The following UBE2K variants were observed in gnomAD, a reference collection of about 807,000 sequenced individuals.
The protein encoded by UBE2K is ubiquitin-conjugating enzyme E2 K.
A neutral mutation model predicts 30.0 loss-of-function variants in UBE2K; 6 were observed. The ratio of observed to expected loss-of-function variants is 0.20; its 90% CI spans 0.11 to 0.39. UBE2K has a LOEUF of 0.39. Ranked by LOEUF, UBE2K falls within the 10% of genes least tolerant of loss-of-function variation. UBE2K has a pLI of 1.00. For missense variants in UBE2K, 61 were observed against 241.6 expected (o/e 0.25, Z 4.96); for synonymous variants, 86 against 83.7 (o/e 1.03, Z -0.15).
chr4:39,778,066 C>T (rs371668374), intron 6 of UBE2K, among the ~76,000 whole-genome samples: 1 of 131,032 alleles, frequency 7.6e-6, no homozygotes, highest in Non-Finnish European at 1.5e-5. Context: ...CCACTGCACT[C>T]CAGCCTTGGT....
At chr4:39,768,447 CAAAAAAA>C (rs35005914) in intron 4 of UBE2K, among the ~76,000 whole-genome samples, 22 of 88,120 alleles carry the variant, frequency 2.5e-4, no homozygotes, top group African/African-American at 7.4e-4. Flanking sequence ...ACTTCGTTTC[CAAAAAAA>C]AAAAAAAAAA....
chr4:39,775,221 T>C (rs1347846788), intron 5 of UBE2K, among the ~76,000 whole-genome samples: 1 of 152,192 alleles, frequency 6.6e-6, no homozygotes, highest in East Asian at 1.9e-4. Context: ...GATTCTATGA[T>C]TAATGCTCGT....
At chr4:39,722,246 T>C (rs1292058905) in intron 1 of UBE2K, among the ~76,000 whole-genome samples, 2 of 152,228 alleles carry the variant, frequency 1.3e-5, no homozygotes, top group African/African-American at 4.8e-5. Flanking sequence ...ATCTCATTAA[T>C]ACTGAAAATC....
chr4:39,712,193 AC>A (rs1259531872), intron 1 of UBE2K, among the ~76,000 whole-genome samples: 27 of 126,514 alleles, frequency 2.1e-4, no homozygotes, highest in Middle Eastern at 4.4e-3. Flanking sequence ...AGCACCGACA[AC>A]CTTTTTTTTT....
chr4:39,757,011 G>GTTTGTTTTTT (rs1721558962), intron 4 of UBE2K, among the ~76,000 whole-genome samples: 1 of 76,824 alleles, frequency 1.3e-5, no homozygotes, highest in Non-Finnish European at 2.5e-5. Flanking sequence ...TTTTTTTTTT[G>GTTTGTTTTTT]TTTTTTGTTT....
At chr4:39,745,674 T>C in intron 2 of UBE2K, 78 bp from the exon 3 acceptor site, 1 of 958,318 alleles carries the variant, frequency 1.0e-6, no homozygotes, top group East Asian at 2.5e-5. Context: ...ATAGCTGCTC[T>C]GAAAAGCTCA....
chr4:39,714,331 G>T, intron 1 of UBE2K: 2 of 192,858 alleles, frequency 1.0e-5, no homozygotes, highest in East Asian at 1.2e-4. Flanking sequence ...AATTTCACTT[G>T]GGAAGACCAA....
At chr4:39,774,019 C>T (rs1713117527) in intron 4 of UBE2K, among the ~76,000 whole-genome samples, 3 of 152,002 alleles carry the variant, frequency 2.0e-5, no homozygotes, top group Non-Finnish European at 4.4e-5. Context: ...AAAAGCTGGC[C>T]GAGTGTAGTA....
At chr4:39,760,501 A>G (rs1175464596) in intron 4 of UBE2K, among the ~76,000 whole-genome samples, 4 of 152,204 alleles carry the variant, frequency 2.6e-5, no homozygotes, top group Non-Finnish European at 5.9e-5. Flanking sequence ...AACAACATGG[A>G]TGAGACTCAG....
At chr4:39,702,106 C>G (rs539715016) in intron 1 of UBE2K, among the ~76,000 whole-genome samples, 1 of 151,942 alleles carries the variant, frequency 6.6e-6, no homozygotes, top group Non-Finnish European at 1.5e-5. Flanking sequence ...AAATTTGAAA[C>G]TTAATGAAAT....
At chr4:39,775,041 G>C (rs1272385064) in intron 5 of UBE2K, 108 bp downstream of exon 5, 1 of 551,362 alleles carries the variant, frequency 1.8e-6, no homozygotes, top group African/African-American at 1.9e-5. Flanking sequence ...ACTAAATTTT[G>C]AAATGGTTTT....
intron 1 of UBE2K, among the ~76,000 whole-genome samples, chr4:39,705,568 A>G (rs1718305166): frequency 6.6e-6 from 1 of 152,066 alleles, no homozygotes; most frequent in African/African-American, 2.4e-5. Flanking sequence ...TATAGCCCCA[A>G]AAGGCTTAAC....
chr4:39,737,541 T>C, intron 2 of UBE2K, 28 bp downstream of exon 2: 1 of 1,378,488 alleles, frequency 7.3e-7, no homozygotes, highest in East Asian at 2.4e-5. Flanking sequence ...TATCAAAATA[T>C]TGTGCGTATT....
intron 1 of UBE2K, among the ~76,000 whole-genome samples, chr4:39,699,974 T>A (rs1356148667): frequency 1.3e-5 from 2 of 152,166 alleles, no homozygotes; most frequent in African/African-American, 2.4e-5. Context: ...TTATTTAATA[T>A]GAAAATGTAT....
At chr4:39,728,048 C>T (rs779648734) in intron 1 of UBE2K, among the ~76,000 whole-genome samples, 2 of 152,000 alleles carry the variant, frequency 1.3e-5, no homozygotes, top group Non-Finnish European at 2.9e-5. Context: ...ACAGAAGAAT[C>T]GCTTCAACCC....
intron 2 of UBE2K, among the ~76,000 whole-genome samples, chr4:39,740,173 G>C (rs1720615631): frequency 6.6e-6 from 1 of 151,794 alleles, no homozygotes; most frequent in Admixed American, 6.6e-5. Context: ...AGTTATTCTT[G>C]AATTTTTTTT....
intron 4 of UBE2K, among the ~76,000 whole-genome samples, chr4:39,758,822 T>G (rs903083606): frequency 3.9e-5 from 6 of 152,220 alleles, no homozygotes; most frequent in Non-Finnish European, 8.8e-5. Context: ...TGTGTATATA[T>G]AGAGAGAGAA....
rs576764331 is a variant in UBE2K, at chr4:39,711,056, T to C, written c.63+12666T>C. ...CATATTTTTGTTTTTACTGTTAATA[T>C]CTCCTGAATTTAAAAATAAAATACT... On this transcript the variant is annotated intron_variant, in intron 1 of 6. Coordinates refer to ENST00000261427, the MANE Select transcript of UBE2K (RefSeq NM_005339.5). 1.5e-4 allele frequency among the ~76,000 whole-genome samples: 23 copies of C among 152,038 alleles called. No homozygotes were observed. In the South Asian group the frequency reaches 4.8e-3, roughly 31 times the overall value.
At chr4:39,770,759 G>A (rs1398011496) in intron 4 of UBE2K, 2 of 1,582,700 alleles carry the variant, frequency 1.3e-6, no homozygotes, top group Admixed American at 1.8e-5. Flanking sequence ...CCCCTCCCAG[G>A]CCTCCAGGGG....
Sources: allele counts gnomAD v4.1 joint callset (sites outside exome capture counted in the v4.1 genomes callset), GRCh38; gene constraint gnomAD v4.1.1; transcripts MANE v1.5; gene names NCBI Gene and HGNC (gene_info 2026-07-23, HGNC 2026-07-21).